Variants in ALDH4A1 observed in about 807,000 individuals in gnomAD.
ALDH4A1 encodes aldehyde dehydrogenase 4 family member A1.
ALDH4A1 carries 46 observed loss-of-function variants against 70.5 expected under a neutral mutation model. The ratio of observed to expected loss-of-function variants is 0.65; its 90% CI spans 0.51 to 0.83. The LOEUF (loss-of-function observed/expected upper bound fraction) is 0.83, where lower values mean the gene tolerates loss of function less well. Among genes scored for constraint, ALDH4A1 ranks in the 40% least tolerant of loss-of-function variants. The pLI is 0.00. For synonymous variants in ALDH4A1, 323 were observed against 324.3 expected (o/e 1.00, Z 0.04); for missense variants, 749 against 766.5 (o/e 0.98, Z 0.27).
chr1:18,889,905 G>C, intron 2 of ALDH4A1, 107 bp downstream of exon 2: 2 of 992,916 alleles, frequency 2.0e-6, no homozygotes, highest in Non-Finnish European at 3.0e-6. Context: ...GGGAGCAAGG[G>C]TAGAAGCGGG....
Position 18,890,058 on chromosome 1 carries a change from A to T in ALDH4A1, c.110T>A (p.Val37Asp). Residue 37 changes from valine (V) to aspartate (D), a missense_variant, in exon 2 of 15, where the codon GTC becomes GAC. Physicochemically the swap from Val to Asp is radical, Grantham distance 152. Coordinates refer to ENST00000375341, the MANE Select transcript of ALDH4A1 (RefSeq NM_003748.4). ...AGGGCTGCCCTGCGTGAAGGCTAAG[A>T]CGGGCTCGTTGGCCACCTTCAGGGA... Reference protein sequence around the residue: ...TSSLKVANEPVLAFTQGSPER... With the variant: ...TSSLKVANEPDLAFTQGSPER... 1.2e-6 allele frequency: 2 copies of T among 1,613,232 alleles called. No individual in the cohort carries two copies. Among genetic ancestry groups the T allele is most frequent in the Non-Finnish European group, 1.7e-6 (2 of 1,179,806 alleles).
chr1:18,901,880 T>C (rs550863900), intron 1 of ALDH4A1, among the ~76,000 whole-genome samples: 15 of 150,810 alleles, frequency 9.9e-5, no homozygotes, highest in African/African-American at 3.4e-4. Context: ...AATATGATTA[T>C]TCCACCTACA....
intron 8 of ALDH4A1, 54 bp from the exon 9 acceptor site, chr1:18,879,427 G>T: frequency 6.6e-7 from 1 of 1,519,968 alleles, no homozygotes; most frequent in Non-Finnish European, 9.0e-7. Context: ...GAGGAAGGGG[G>T]CGGAAAAGCC....
chr1:18,898,416 T>C lies in ALDH4A1; in HGVS notation c.62+4046A>G, dbSNP rs573249434. ...ATAAACAGAAGAGACCGAGGACATC[T>C]GAGTTCCATACCTCCCCTCCTGCCA... On this transcript the variant is annotated intron_variant, in intron 1 of 14. Transcript: ENST00000375341. The surrounding 1 kb of genome is among the most constrained non-coding windows in gnomAD (Gnocchi z 4.3). 1.1e-3 allele frequency among the ~76,000 whole-genome samples: 161 copies of C among 152,332 alleles called. 4 individuals carry two copies. The South Asian group carries it at 0.033, about 31-fold the overall frequency.
intron 9 of ALDH4A1, among the ~76,000 whole-genome samples, chr1:18,879,086 T>A (rs1392022366): frequency 1.3e-5 from 2 of 152,228 alleles, no homozygotes; most frequent in Non-Finnish European, 1.5e-5. Flanking sequence ...CTTCAAGGGC[T>A]CCATGGCCAT....
chr1:18,872,571 G>C lies in ALDH4A1; in HGVS notation c.*274C>G, dbSNP rs1376852614. On this transcript the variant is annotated 3_prime_UTR_variant, in exon 15 of 15. Coordinates refer to ENST00000375341, the MANE Select transcript of ALDH4A1 (RefSeq NM_003748.4). ...GGTCCCTGAGCCACTGGGCCCAGTG[G>C]AGGGCAGAGGGAGAACCTGCCAGGC... 1 of 344,740 alleles carries C rather than the reference G, an allele frequency of 2.9e-6. No homozygotes were observed. The highest frequency in any genetic ancestry group is 2.1e-5 in the African/African-American group (1 of 48,392). The allele number at this position is 344,740 out of a possible 1,614,324, so 21.4% of individuals were successfully genotyped here. A position where few individuals can be genotyped will look rare whatever the true frequency, so the allele number is the denominator to read the frequency against.
At chr1:18,883,853 C>T (rs1935088979) in intron 5 of ALDH4A1, among the ~76,000 whole-genome samples, 1 of 152,142 alleles carries the variant, frequency 6.6e-6, no homozygotes, top group Admixed American at 6.5e-5. Context: ...GAGAGAGACT[C>T]GGTGTGTGGG....
Position 18,872,875 on chromosome 1 carries a change from CA to C in ALDH4A1, c.1661del (p.Leu554ArgfsTer91), listed in dbSNP as rs1194642348. ...GCATGTACGCGTAGCTCCAGTCCCC[CA>C]GGGGCTTATGTGTCTCCTTGATGAC... ...PQVIKETHKP[L>X]GDWSYAYMQ On this transcript the variant is annotated frameshift_variant, in exon 15 of 15. Coordinates refer to ENST00000375341, the MANE Select transcript of ALDH4A1 (RefSeq NM_003748.4). LOFTEE classifies it high-confidence loss of function. The C allele has an allele frequency of 6.2e-7, 1 of 1,613,954 alleles. No homozygotes were observed. The highest frequency in any genetic ancestry group is 1.7e-5 in the Admixed American group (1 of 60,002).
At chr1:18,900,320 C>T (rs546941119) in intron 1 of ALDH4A1, among the ~76,000 whole-genome samples, 1 of 152,316 alleles carries the variant, frequency 6.6e-6, no homozygotes, top group African/African-American at 2.4e-5. Context: ...ACTGAAAATG[C>T]CCTGCGACTG....
In ALDH4A1 at chr1:18,874,982, C is replaced by T. The variant is rs1057084427; in HGVS notation, c.1460+400G>A. Among the ~76,000 whole-genome samples, 15 of 152,268 alleles carry T rather than the reference C, an allele frequency of 9.9e-5. 1 individual carries two copies. The highest frequency in any genetic ancestry group is 3.4e-4 in the African/African-American group (14 of 41,478). The stretch of plus-strand genomic sequence containing the variant: ...CCAGTGCCACGGAGGAAAGAAGAGG[C>T]GAAGCCTCAAGTTTAGCCTCATGTG... On this transcript the variant is annotated intron_variant, in intron 13 of 14. Coordinates refer to ENST00000375341, the MANE Select transcript of ALDH4A1 (RefSeq NM_003748.4).
chr1:18,877,063 G>A, intron 11 of ALDH4A1, 145 bp downstream of exon 11: 2 of 1,003,646 alleles, frequency 2.0e-6, no homozygotes, highest in Non-Finnish European at 3.0e-6. Flanking sequence ...GAAGCTGGAG[G>A]TGCGTGTGTG....
Position 18,885,431 on chromosome 1 carries a change from A to ACCCCCCCCCCCCCCCCCCC in ALDH4A1, c.453+41_453+42insGGGGGGGGGGGGGGGGGGG. 33 of 478,968 alleles carry ACCCCCCCCCCCCCCCCCCC rather than the reference A, an allele frequency of 6.9e-5. 1 individual carries two copies. The highest frequency in any genetic ancestry group is 8.6e-5 in the East Asian group (2 of 23,262). The allele number at this position is 478,968 out of a possible 1,614,324, so 29.7% of individuals were successfully genotyped here. A position where few individuals can be genotyped will look rare whatever the true frequency, so the allele number is the denominator to read the frequency against. Reference sequence around the variant, plus strand: ...CATGGGTAGGGCACACCTGACTCCCACCCCACCCCGCCCCACCCACCCGGG... The same window carrying ACCCCCCCCCCCCCCCCCCC: ...CATGGGTAGGGCACACCTGACTCCCACCCCCCCCCCCCCCCCCCCCCCCACCCCGCCCCACCCACCCGGG... On this transcript the variant is annotated intron_variant, in intron 5 of 14. Transcript: ENST00000375341.
chr1:18,894,846 C>CT (rs1438470543), intron 1 of ALDH4A1, among the ~76,000 whole-genome samples: 3 of 140,792 alleles, frequency 2.1e-5, no homozygotes, highest in Non-Finnish European at 4.7e-5. Flanking sequence ...TCAGTGCTTT[C>CT]TTTTTTCTTT....
chr1:18,878,580 C>T lies in ALDH4A1; in HGVS notation c.940+720G>A, dbSNP rs561778353. On this transcript the variant is annotated intron_variant, in intron 9 of 14. Coordinates refer to ENST00000375341, the MANE Select transcript of ALDH4A1 (RefSeq NM_003748.4). ...CCCTCCCTCTAGGCCTCAGCACATT[C>T]CCAAAATGTGCTCCACAAAACACTT... Among the ~76,000 whole-genome samples, 20 of 152,242 alleles carry T rather than the reference C, an allele frequency of 1.3e-4. No homozygotes were observed. In the South Asian group the frequency reaches 3.7e-3, roughly 28 times the overall value.
At chr1:18,878,362 G>A (rs1275170956) in intron 9 of ALDH4A1, among the ~76,000 whole-genome samples, 1 of 152,124 alleles carries the variant, frequency 6.6e-6, no homozygotes, top group African/African-American at 2.4e-5. Flanking sequence ...AGGGAGGCAG[G>A]GAAGGAGGCT....
In ALDH4A1 at chr1:18,872,859, C is replaced by T. The variant is rs776207072; in HGVS notation, c.1678G>A (p.Ala560Thr). The T allele has an allele frequency of 1.3e-5, 21 of 1,613,810 alleles. No homozygotes were observed. Among genetic ancestry groups the T allele is most frequent in the East Asian group, 2.2e-5 (1 of 44,892 alleles). The change falls in exon 15 of 15, where the codon GCG becomes ACG. Residue 560 changes from alanine (A) to threonine (T), a missense_variant. Transcript: ENST00000375341. ...CCGAGAGGGGCTCACTGCATGTACG[C>T]GTAGCTCCAGTCCCCCAGGGGCTTA... The part of the protein sequence containing the change: ...THKPLGDWSY[A>T]YMQ
intron 1 of ALDH4A1, chr1:18,890,963 C>T: frequency 2.1e-6 from 2 of 932,040 alleles, no homozygotes; most frequent in Non-Finnish European, 2.6e-6. Flanking sequence ...CTGCCCTGAG[C>T]TCAGCTCACA....
At chr1:18,879,533 C>T (rs72651876) in intron 8 of ALDH4A1, among the ~76,000 whole-genome samples, 160 bp from the exon 9 acceptor site, 18,482 of 152,110 alleles carry the variant, frequency 0.12, 1,283 homozygotes, top group Middle Eastern at 0.18. Context: ...CTACGGGGAG[C>T]GGGCAACGGG....
Position 18,876,397 on chromosome 1 carries a change from C to T in ALDH4A1, c.1256G>A (p.Gly419Asp), listed in dbSNP as rs756820383. 2.4e-5 allele frequency: 38 copies of T among 1,613,302 alleles called. No individual in the cohort carries two copies. The South Asian group carries it at 4.0e-4, about 17-fold the overall frequency. The change falls in exon 12 of 15, where the codon GGC (glycine) becomes GAC (aspartate). Residue 419 changes from glycine to aspartate, a missense_variant. Gly to Asp is a moderately conservative substitution (Grantham distance 94). Coordinates refer to ENST00000375341, the MANE Select transcript of ALDH4A1 (RefSeq NM_003748.4). Reference sequence around the variant, plus strand: ...GTAGCCCACGGAGTCATCACACTTGCCCCCGGCCAGGATGGTGAGGCTGGG... The same window carrying T: ...GTAGCCCACGGAGTCATCACACTTGTCCCCGGCCAGGATGGTGAGGCTGGG... ...SSPSLTILAGGKCDDSVGYFV... is the reference protein window; with the variant it reads ...SSPSLTILAGDKCDDSVGYFV...
Sources: gnomAD v4.1 joint callset for allele counts (sites outside exome capture counted in the v4.1 genomes callset) on GRCh38, gnomAD v4.1.1 for gene constraint, Gnocchi (gnomAD v3.1) non-coding constraint, MANE v1.5 for transcripts, NCBI Gene and HGNC (gene_info 2026-07-23, HGNC 2026-07-21) for gene names.